The following SKAP1 variants were observed in gnomAD, a reference collection of about 807,000 sequenced individuals.
The protein encoded by SKAP1 is src kinase-associated phosphoprotein 1.
SKAP1 carries 44 observed loss-of-function variants against 58.5 expected under a neutral mutation model. That is an observed-to-expected ratio of 0.75 (90% CI 0.59 to 0.97). The LOEUF is 0.97. Ranked by LOEUF, SKAP1 falls within the 50% of genes least tolerant of loss-of-function variation. The pLI, the probability that SKAP1 is intolerant of heterozygous loss-of-function variation, is 0.00. For missense variants in SKAP1, 390 were observed against 435.2 expected (o/e 0.90, Z 0.92); for synonymous variants, 127 against 149.7 (o/e 0.85, Z 1.11).
intron 4 of SKAP1, among the ~76,000 whole-genome samples, chr17:48,204,932 C>CCTTT (rs1411027793): frequency 6.6e-6 from 1 of 150,470 alleles, no homozygotes; most frequent in Non-Finnish European, 1.5e-5. Context: ...TTCCTTCCTT[C>CCTTT]CTTCCTTCCT....
chr17:48,350,674 C>T (rs1206169017), intron 3 of SKAP1, among the ~76,000 whole-genome samples: 1 of 152,026 alleles, frequency 6.6e-6, no homozygotes, highest in Admixed American at 6.6e-5. Flanking sequence ...CCGGCCTGGG[C>T]AACAAGAGTG....
At chr17:48,235,368 A>G (rs1289018297) in intron 4 of SKAP1, among the ~76,000 whole-genome samples, 2 of 152,194 alleles carry the variant, frequency 1.3e-5, no homozygotes, top group Non-Finnish European at 2.9e-5. Flanking sequence ...AGGTCCATAA[A>G]GTAACAAATT....
rs1321908708 is a variant in SKAP1, at chr17:48,172,993, G to T, written c.827-2334C>A. 1.1e-4 allele frequency among the ~76,000 whole-genome samples: 16 copies of T among 152,008 alleles called. 1 individual carries two copies. The highest frequency in any genetic ancestry group is 7.9e-4 in the Admixed American group (12 of 15,234). Reference sequence around the variant, plus strand: ...GAGTTAGACACCAGCATAGACAACAGAGCAAGACCCTGTCTCTATAAAAAA... The same window carrying T: ...GAGTTAGACACCAGCATAGACAACATAGCAAGACCCTGTCTCTATAAAAAA... On this transcript the variant is annotated intron_variant, in intron 9 of 12. Transcript: ENST00000336915.
At chr17:48,260,641 G>A (rs1481323061) in intron 4 of SKAP1, among the ~76,000 whole-genome samples, 1 of 152,028 alleles carries the variant, frequency 6.6e-6, no homozygotes, top group Non-Finnish European at 1.5e-5. Flanking sequence ...GTGTGTGTGT[G>A]TATCAATATA....
the SKAP1 span, among the ~76,000 whole-genome samples, chr17:48,444,682 C>A: frequency 6.6e-6 from 1 of 152,220 alleles, no homozygotes; most frequent in Non-Finnish European, 1.5e-5. Context: ...CTAGTAACTT[C>A]TCTGCACCAC....
chr17:48,431,825 G>T (rs2067919258), upstream of SKAP1, among the ~76,000 whole-genome samples: 1 of 152,152 alleles, frequency 6.6e-6, no homozygotes, highest in South Asian at 2.1e-4. Flanking sequence ...CAGCCATAAG[G>T]GGAATAATGA....
rs2063824900 is a variant in SKAP1 at position 48,145,783 on chromosome 17, C to T, written c.979-8446G>A. Among the ~76,000 whole-genome samples, 6 of 152,256 alleles carry T rather than the reference C, an allele frequency of 3.9e-5. No individual in the cohort carries two copies. The South Asian group carries it at 1.2e-3, about 32-fold the overall frequency. On this transcript the variant is annotated intron_variant, in intron 11 of 12. Coordinates refer to ENST00000336915, the MANE Select transcript of SKAP1 (RefSeq NM_003726.4). Reference sequence around the variant, plus strand: ...TTTGTATAAGCTCTTCCATGGCTCCCCTGGAGTAGCACAGACATGACCTGG... The same window carrying T: ...TTTGTATAAGCTCTTCCATGGCTCCTCTGGAGTAGCACAGACATGACCTGG...
At chr17:48,331,772 T>C (rs1188215864) in intron 4 of SKAP1, among the ~76,000 whole-genome samples, 1 of 151,942 alleles carries the variant, frequency 6.6e-6, no homozygotes, top group African/African-American at 2.4e-5. Flanking sequence ...CTAGCTTTCA[T>C]GCAAAATTTA....
intron 4 of SKAP1, among the ~76,000 whole-genome samples, chr17:48,226,718 C>T (rs1003599694): frequency 1.3e-5 from 2 of 152,136 alleles, no homozygotes; most frequent in Admixed American, 1.3e-4. Context: ...AACTCATAAT[C>T]TTGCCTATTT....
chr17:48,150,867 C>T (rs543065531), intron 11 of SKAP1, among the ~76,000 whole-genome samples: 1 of 152,344 alleles, frequency 6.6e-6, no homozygotes, highest in African/African-American at 2.4e-5. Flanking sequence ...CCCTACCCTC[C>T]TGGAATCCAC....
At chr17:48,309,982 C>G (rs111862639) in intron 4 of SKAP1, among the ~76,000 whole-genome samples, 279 of 152,272 alleles carry the variant, frequency 1.8e-3, no homozygotes, top group African/African-American at 6.4e-3. Flanking sequence ...TTGAGGGAAG[C>G]CTGTCTTGGT....
At chr17:48,208,579 A>G (rs1354266239) in intron 4 of SKAP1, among the ~76,000 whole-genome samples, 1 of 152,072 alleles carries the variant, frequency 6.6e-6, no homozygotes, top group Non-Finnish European at 1.5e-5. Flanking sequence ...GAAGTATGAA[A>G]CTCCAACAAC....
Position 48,430,183 on chromosome 17 carries a change from A to G in SKAP1, c.-63T>C, listed in dbSNP as rs2067900628. The G allele has an allele frequency of 5.8e-6, 7 of 1,216,654 alleles. No homozygotes were observed. The highest frequency in any genetic ancestry group is 8.7e-5 in the Admixed American group (2 of 23,094). The allele number at this position is 1,216,654 out of a possible 1,614,324, so 75.4% of individuals were successfully genotyped here. ...CCTGGTCGGGAGGCGGACGGGCTGG[A>G]AGGCGACCCGGCTGCACCGCGAGGC... is the stretch of plus-strand genomic sequence containing the variant. On this transcript the variant is annotated 5_prime_UTR_variant, in exon 1 of 13. Transcript: ENST00000336915.
At chr17:48,142,001 C>T (rs2063773314) in intron 11 of SKAP1, among the ~76,000 whole-genome samples, 1 of 152,184 alleles carries the variant, frequency 6.6e-6, no homozygotes, top group African/African-American at 2.4e-5. Context: ...GTGCCCTGTG[C>T]TTTCCTGGAA....
intron 1 of SKAP1, among the ~76,000 whole-genome samples, chr17:48,414,439 G>A (rs1027800913): frequency 2.6e-5 from 4 of 152,162 alleles, no homozygotes; most frequent in African/African-American, 4.8e-5. Flanking sequence ...TTGGAGGGCA[G>A]AACACAGAGG....
chr17:48,351,263 T>C (rs2066797232), intron 3 of SKAP1, among the ~76,000 whole-genome samples: 1 of 152,226 alleles, frequency 6.6e-6, no homozygotes, highest in African/African-American at 2.4e-5. Flanking sequence ...TTTGCACATA[T>C]TCATGCATTA....
In SKAP1 at chr17:48,189,929, C is replaced by T. The variant is rs113277771; in HGVS notation, c.281-429G>A. Among the ~76,000 whole-genome samples the T allele has an allele frequency of 2.4e-4, 36 of 152,044 alleles. 1 individual carries two copies. The highest frequency in any genetic ancestry group is 4.0e-4 in the Non-Finnish European group (27 of 67,996). ...CTGACCTCAAGTGATCCACCCGCCT[C>T]GGCCTCCCAAAATGCTGGGATTACA... On this transcript the variant is annotated intron_variant, in intron 4 of 12. Coordinates refer to ENST00000336915, the MANE Select transcript of SKAP1 (RefSeq NM_003726.4).
At chr17:48,141,373 G>GGTTTGTGTTTTT (rs1555589696) in intron 11 of SKAP1, among the ~76,000 whole-genome samples, 1 of 148,644 alleles carries the variant, frequency 6.7e-6, no homozygotes, top group African/African-American at 2.5e-5. Flanking sequence ...CTTGTTAACT[G>GGTTTGTGTTTTT]GTTTTTGTTT....
chr17:48,199,609 GTCTTGGC>G (rs2064698765), intron 4 of SKAP1, among the ~76,000 whole-genome samples: 1 of 152,152 alleles, frequency 6.6e-6, no homozygotes, highest in African/African-American at 2.4e-5. Context: ...TTATAGCACA[GTCTTGGC>G]TCCCAGGGAC....
Sources: gnomAD v4.1 joint callset for allele counts (sites outside exome capture counted in the v4.1 genomes callset) on GRCh38, gnomAD v4.1.1 for gene constraint, MANE v1.5 for transcripts, NCBI Gene and HGNC (gene_info 2026-07-23, HGNC 2026-07-21) for gene names.